The following FCHO1 variants were observed in gnomAD, a reference collection of about 807,000 sequenced individuals.
FCHO1 encodes FCH and mu domain containing endocytic adaptor 1.
FCHO1 carries 45 observed loss-of-function variants against 114.4 expected under a neutral mutation model. That is an observed-to-expected ratio of 0.39 (90% confidence interval 0.31 to 0.50). The LOEUF is 0.50. Among genes scored for constraint, FCHO1 ranks in the 20% least tolerant of loss-of-function variants. FCHO1 has a pLI of 0.77. For missense variants in FCHO1, 1,042 were observed against 1,209.6 expected (o/e 0.86, Z 2.06); for synonymous variants, 480 against 488.9 (o/e 0.98, Z 0.24).
intron 26 of FCHO1, among the ~76,000 whole-genome samples, chr19:17,785,186 C>T (rs1414518690): frequency 6.6e-6 from 1 of 152,070 alleles, no homozygotes; most frequent in African/African-American, 2.4e-5. Flanking sequence ...GAGATCTCAT[C>T]TCTACAAAAA....
Position 17,762,822 on chromosome 19 carries a change from A to G in FCHO1, c.88A>G (p.Thr30Ala). Residue 30 changes from threonine (T) to alanine (A), a missense_variant, in exon 5 of 29, where the codon ACC becomes GCC. By Grantham distance (58) the Thr-to-Ala change is moderately conservative (BLOSUM62 0). This residue lies in a region of FCHO1 where 450 missense variants were observed against 564.1 expected (regional missense o/e 0.80). Coordinates refer to ENST00000596536, the MANE Select transcript of FCHO1 (RefSeq NM_015122.3). ...YHSVKQGPIS[T>A]KELADFIRER... ...CAGCGTGAAGCAGGGGCCCATCTCC[A>G]CCAAGGAGCTGGCGGACTTCATCCG... 6.2e-7 allele frequency: 1 copy of G among 1,613,810 alleles called. No individual in the cohort carries two copies.
rs560408059 is a variant in FCHO1, at chr19:17,775,739, G to A, written c.1003+226G>A. On this transcript the variant is annotated intron_variant, in intron 15 of 28. Transcript: ENST00000596536. The surrounding 1 kb of genome is among the most constrained non-coding windows in gnomAD (Gnocchi z 5.1). ...GGGCTTCCTGGAGGAGGGGGCACCA[G>A]TGTTGGGGTTTTGCAGCCGAATAGG... Among the ~76,000 whole-genome samples the A allele has an allele frequency of 3.9e-5, 6 of 151,994 alleles. No individual in the cohort carries two copies. The highest frequency in any genetic ancestry group is 1.4e-4 in the African/African-American group (6 of 41,424).
chr19:17,762,396 A>T (rs1454749626), intron 4 of FCHO1, among the ~76,000 whole-genome samples: 1 of 151,318 alleles, frequency 6.6e-6, no homozygotes, highest in Non-Finnish European at 1.5e-5. Flanking sequence ...ATAATTCCTC[A>T]TTTATGGAAA....
At chr19:17,760,285 A>C (rs1034780806) in intron 4 of FCHO1, among the ~76,000 whole-genome samples, 1 of 152,148 alleles carries the variant, frequency 6.6e-6, no homozygotes, top group African/African-American at 2.4e-5. Context: ...TCCTGACCTC[A>C]GATAATCTGC....
At chr19:17,752,868 CT>C (rs1349127541) in intron 1 of FCHO1, among the ~76,000 whole-genome samples, 2 of 152,002 alleles carry the variant, frequency 1.3e-5, no homozygotes, top group African/African-American at 4.8e-5. Context: ...CCACTGCACA[CT>C]CCAGCCTGGG....
Position 17,781,722 on chromosome 19 carries a change from G to A in FCHO1, c.1839G>A (p.Arg613=). ...CTCCACCACCCCCAGGAGTCTCCCG[G>A]GGTCCGAGCCCTGTGGTCCTGGGCT... ...FLSQTGHGVS[R]GPSPVVLGSQ... The change falls in exon 23 of 29, where the codon CGG becomes CGA. Residue 613 remains arginine (R), a synonymous_variant. Coordinates refer to ENST00000596536, the MANE Select transcript of FCHO1 (RefSeq NM_015122.3). 1.2e-6 allele frequency: 2 copies of A among 1,605,380 alleles called. No homozygotes were observed. Among genetic ancestry groups the A allele is most frequent in the Non-Finnish European group, 1.7e-6 (2 of 1,175,812 alleles).
At position 17,787,818 on chromosome 19, in the gene FCHO1, G is replaced by A. The variant is rs778315656; in HGVS notation, c.2619G>A (p.Met873Ile). The A allele has an allele frequency of 3.1e-6, 5 of 1,613,424 alleles. No homozygotes were observed. The Admixed American group carries it at 8.3e-5, about 27-fold the overall frequency. ...AACTGGTGGGCAGCGGTTACCGCAT[G>A]TCGCTGGTGAAGAGGAGGTTTGCCA... ...DLELVGSGYR[M>I]SLVKRRFATG... Residue 873 changes from methionine (M) to isoleucine (I), a missense_variant, in exon 28 of 29, where the codon ATG (methionine) becomes ATA (isoleucine). Coordinates refer to ENST00000596536, the MANE Select transcript of FCHO1 (RefSeq NM_015122.3).
At chr19:17,771,978 A>T (rs1157986439) in intron 9 of FCHO1, among the ~76,000 whole-genome samples, 1 of 151,982 alleles carries the variant, frequency 6.6e-6, no homozygotes, top group South Asian at 2.1e-4. Context: ...ACACCCAGCT[A>T]ATTTTTGTAT....
chr19:17,776,836 C>CAAA lies in FCHO1; in HGVS notation c.1259+151_1259+152insAAA. On this transcript the variant is annotated intron_variant, in intron 18 of 28. Coordinates refer to ENST00000596536, the MANE Select transcript of FCHO1 (RefSeq NM_015122.3). The surrounding 1 kb of genome is among the most constrained non-coding windows in gnomAD (Gnocchi z 4.4). Reference sequence around the variant, plus strand: ...TTGTTTTTGTTTTGAGACAGAGTCTCACTCTGTCACCCAGGCTGGAGTGCG... The same window carrying CAAA: ...TTGTTTTTGTTTTGAGACAGAGTCTCAAAACTCTGTCACCCAGGCTGGAGTGCG... 1 of 724,276 alleles carries CAAA rather than the reference C, an allele frequency of 1.4e-6. No homozygotes were observed. Among genetic ancestry groups the CAAA allele is most frequent in the Non-Finnish European group, 2.3e-6 (1 of 436,160 alleles). 44.9% of individuals were successfully genotyped at this position (724,276 alleles called of 1,614,324 possible).
upstream of FCHO1, among the ~76,000 whole-genome samples, chr19:17,748,768 A>T (rs763901532): frequency 7.2e-5 from 11 of 152,064 alleles, no homozygotes; most frequent in Admixed American, 1.3e-4. Context: ...CACCTTTCTG[A>T]ACCTCGGTTT....
intron 6 of FCHO1, among the ~76,000 whole-genome samples, chr19:17,766,371 C>A (rs1051336923): frequency 6.6e-6 from 1 of 151,916 alleles, no homozygotes; most frequent in African/African-American, 2.4e-5. Flanking sequence ...CTCCTGACCT[C>A]AAGTGACCTG....
At chr19:17,766,852 A>T in intron 7 of FCHO1, 42 bp downstream of exon 7, 1 of 1,595,802 alleles carries the variant, frequency 6.3e-7, no homozygotes, top group South Asian at 1.1e-5. Context: ...GTGGGTGTGG[A>T]ACACCGGCAG....
At position 17,770,783 on chromosome 19, in the gene FCHO1, G is replaced by C. The variant is rs766733403; in HGVS notation, c.490-9G>C. The C allele has an allele frequency of 1.9e-6, 3 of 1,613,840 alleles. No individual in the cohort carries two copies. The South Asian group carries it at 3.3e-5, about 18-fold the overall frequency. ...CCTCCCATCCCCGTTTCCTCCCTGT[G>C]CTTTGTAGGCGGAGACTAAAACCAA... is the stretch of plus-strand genomic sequence containing the variant. On this transcript the variant is annotated splice_polypyrimidine_tract_variant and intron_variant, in intron 8 of 28. Transcript: ENST00000596536.
intron 4 of FCHO1, among the ~76,000 whole-genome samples, chr19:17,759,022 G>T (rs1460820756): frequency 6.6e-6 from 1 of 151,874 alleles, no homozygotes; most frequent in Non-Finnish European, 1.5e-5. Context: ...TACCTGGGAG[G>T]GTGAACCTGG....
intron 4 of FCHO1, among the ~76,000 whole-genome samples, chr19:17,758,215 A>AG (rs1373769712): frequency 6.9e-6 from 1 of 145,588 alleles, no homozygotes; most frequent in Non-Finnish European, 1.5e-5. Context: ...ACTCCGTCTC[A>AG]AAAAAAAAAA....
Position 17,776,678 on chromosome 19 carries a change from A to T in FCHO1, c.1251A>T (p.Arg417Ser), listed in dbSNP as rs1376642713. 3.7e-6 allele frequency: 6 copies of T among 1,613,462 alleles called. No homozygotes were observed. Among genetic ancestry groups the T allele is most frequent in the Non-Finnish European group, 4.2e-6 (5 of 1,179,918 alleles). ...GKPQRPRSAPRTSSCAERLQS... is the reference protein window; with the variant it reads ...GKPQRPRSAPSTSSCAERLQS... ...CCCAGAGACCTCGGTCTGCCCCCAG[A>T]ACCAGCAGGTGGGTTCCACACGAGT... Residue 417 changes from arginine to serine, a missense_variant, in exon 18 of 29, where the codon AGA becomes AGT. Transcript: ENST00000596536. This position sits in a 1 kb window ranked among gnomAD's most constrained non-coding sequence, Gnocchi z 4.4.
rs1293272848 is a variant in FCHO1, at chr19:17,787,850, C to T, written c.2647+4C>T. 1.2e-6 allele frequency: 2 copies of T among 1,610,958 alleles called. No individual in the cohort carries two copies. The highest frequency in any genetic ancestry group is 1.7e-6 in the Non-Finnish European group (2 of 1,178,568). ...GTGAAGAGGAGGTTTGCCACAGGTA[C>T]TCCCCAACCCTGCTGCTGGGTGACC... On this transcript the variant is annotated splice_donor_region_variant and intron_variant, in intron 28 of 28. Coordinates refer to ENST00000596536, the MANE Select transcript of FCHO1 (RefSeq NM_015122.3).
At position 17,770,853 on chromosome 19, in the gene FCHO1, C is replaced by T. The variant is rs760562128; in HGVS notation, c.551C>T (p.Ser184Leu). 4 of 1,614,172 alleles carry T rather than the reference C, an allele frequency of 2.5e-6. No individual in the cohort carries two copies. Among genetic ancestry groups the T allele is most frequent in the South Asian group, 1.1e-5 (1 of 91,088 alleles). The change falls in exon 9 of 29, where the codon TCA (serine) becomes TTA (leucine). Residue 184 changes from serine (S) to leucine (L), a missense_variant. This residue lies in a region of FCHO1 where 450 missense variants were observed against 564.1 expected (regional missense o/e 0.80). Transcript: ENST00000596536. Reference sequence around the variant, plus strand: ...CGGCGCTCAGTGGAAAAATACAACTCAGCCCGAGCTGACTTTGAGCAGAAG... The same window carrying T: ...CGGCGCTCAGTGGAAAAATACAACTTAGCCCGAGCTGACTTTGAGCAGAAG... ...SLRRSVEKYN[S>L]ARADFEQKML...
At chr19:17,759,890 A>AT (rs537564068) in intron 4 of FCHO1, among the ~76,000 whole-genome samples, 78 of 151,908 alleles carry the variant, frequency 5.1e-4, no homozygotes, top group Non-Finnish European at 2.4e-4. Flanking sequence ...ATTGTTTATT[A>AT]TTTTTTGTTT....
Sources: gnomAD v4.1 joint callset for allele counts (sites outside exome capture counted in the v4.1 genomes callset) on GRCh38, gnomAD v4.1.1 for gene constraint, gnomAD v4.1.1 regional missense constraint, Gnocchi (gnomAD v3.1) non-coding constraint, MANE v1.5 for transcripts, NCBI Gene and HGNC (gene_info 2026-07-23, HGNC 2026-07-21) for gene names.